Variants in IGSF11 observed in about 807,000 individuals in gnomAD.
IGSF11 encodes the protein immunoglobulin superfamily member 11, also known as CXADR like 1.
Under a neutral mutation model 41.0 loss-of-function variants are expected in IGSF11, and 22 were observed. The ratio of observed to expected loss-of-function variants is 0.54; its 90% CI spans 0.38 to 0.77. The LOEUF is 0.77. Among genes scored for constraint, IGSF11 ranks in the 30% least tolerant of loss-of-function variants. The probability of loss-of-function intolerance (pLI) is 0.00; values close to 1 mark genes in which losing one functional copy is unlikely to be tolerated. For synonymous variants in IGSF11, 219 were observed against 201.3 expected, an observed-to-expected ratio of 1.09 and a Z score of -0.74; for missense variants, 444 against 530.8, an observed-to-expected ratio of 0.84 and a Z score of 1.61.
chr3:119,126,070 C>T (rs1201863472), intron 1 of IGSF11, among the ~76,000 whole-genome samples: 1 of 152,252 alleles, frequency 6.6e-6, no homozygotes, highest in African/African-American at 2.4e-5. Flanking sequence ...GCTGTTTGAG[C>T]TCCTCGAGGG....
At chr3:119,055,930 A>G (rs889951577) in intron 1 of IGSF11, among the ~76,000 whole-genome samples, 2 of 152,206 alleles carry the variant, frequency 1.3e-5, no homozygotes, top group African/African-American at 4.8e-5. Flanking sequence ...CAATAAGAAA[A>G]AAGACTCAAC....
chr3:119,009,730 G>A (rs556600090), intron 1 of IGSF11, among the ~76,000 whole-genome samples: 8 of 152,158 alleles, frequency 5.3e-5, no homozygotes, highest in South Asian at 4.2e-4. Context: ...TTATCATTTC[G>A]CCTGATTATT....
chr3:119,065,489 C>T (rs1472013283), intron 1 of IGSF11, among the ~76,000 whole-genome samples: 2 of 151,918 alleles, frequency 1.3e-5, no homozygotes, highest in African/African-American at 4.8e-5. Context: ...ATTACGCTGG[C>T]CTCACAAAAA....
intron 1 of IGSF11, among the ~76,000 whole-genome samples, chr3:119,094,674 T>A (rs2107498922): frequency 6.7e-6 from 1 of 149,546 alleles, no homozygotes; most frequent in East Asian, 2.0e-4. Flanking sequence ...CAACTCTATT[T>A]TTTTTTTTTT....
chr3:118,960,044 CAAAA>C (rs199913346), intron 1 of IGSF11, among the ~76,000 whole-genome samples: 1 of 81,104 alleles, frequency 1.2e-5, no homozygotes. Context: ...GACTCCGTCT[CAAAA>C]AAAAAAAAAA....
chr3:119,080,850 C>T (rs1045550193), intron 1 of IGSF11, among the ~76,000 whole-genome samples: 1 of 152,122 alleles, frequency 6.6e-6, no homozygotes, highest in Admixed American at 6.6e-5. Flanking sequence ...CCTAGGGTGA[C>T]AGTTGCTTTT....
At chr3:119,114,448 T>C (rs1320147180) in intron 1 of IGSF11, among the ~76,000 whole-genome samples, 2 of 152,222 alleles carry the variant, frequency 1.3e-5, no homozygotes, top group African/African-American at 4.8e-5. Context: ...CCCTAAATCA[T>C]CCTTCTCAAG....
chr3:119,092,290 T>A lies in IGSF11; in HGVS notation c.49+12854A>T, dbSNP rs116394963. Among the ~76,000 whole-genome samples, 612 of 152,166 alleles carry A rather than the reference T, an allele frequency of 4.0e-3. 2 individuals carry two copies. The highest frequency in any genetic ancestry group is 5.2e-3 in the Non-Finnish European group (353 of 68,002). On this transcript the variant is annotated intron_variant, in intron 1 of 6. Coordinates refer to the IGSF11 transcript ENST00000354673. ...AAACAAAGTTAAAATAAAGAAAAAA[T>A]TTTTAATAAATTTAGTGTAGCCTAA... is the stretch of plus-strand genomic sequence containing the variant.
rs1318042778 is a variant in IGSF11 at position 118,947,108 on chromosome 3, A to AT, written c.53-16834dup. 4 of 152,264 alleles carry AT rather than the reference A, an allele frequency of 2.6e-5. No homozygotes were observed. In the East Asian group the frequency reaches 5.8e-4, roughly 22 times the overall value. 9.4% of individuals were successfully genotyped at this position (152,264 alleles called of 1,614,324 possible). On this transcript the variant is annotated intron_variant, in intron 1 of 6. Transcript: ENST00000393775. ...ACTACAACTTTCCTTCGCACAGTGCATACCCTCTGATATACTGAACCCAAC... is the reference window on the plus strand; with the variant it reads ...ACTACAACTTTCCTTCGCACAGTGCATTACCCTCTGATATACTGAACCCAAC...
chr3:119,029,173 TAC>T (rs66598029), intron 1 of IGSF11, among the ~76,000 whole-genome samples: 3,645 of 111,434 alleles, frequency 0.033, 83 homozygotes, highest in East Asian at 0.094. Context: ...TTGGGGATAA[TAC>T]ACACACACAC....
intron 1 of IGSF11, among the ~76,000 whole-genome samples, chr3:119,006,533 A>G (rs1394883495): frequency 7.7e-6 from 1 of 130,284 alleles, no homozygotes; most frequent in East Asian, 2.2e-4. Flanking sequence ...GGAGGAGGAG[A>G]GGCGCTCTGC....
intron 1 of IGSF11, among the ~76,000 whole-genome samples, chr3:118,985,078 T>C (rs561131610): frequency 7.9e-5 from 12 of 152,312 alleles, no homozygotes; most frequent in African/African-American, 2.6e-4. Context: ...GAAATAATAA[T>C]AATAATAAAT....
rs1401975624 is a variant in IGSF11, at chr3:119,017,042, A to C, written c.52+17489T>G. 5.0e-4 allele frequency among the ~76,000 whole-genome samples: 75 copies of C among 150,784 alleles called. 1 individual carries two copies. The highest frequency in any genetic ancestry group is 1.8e-3 in the African/African-American group (74 of 41,348). ...GCAAAGTTAAATGGACGCAGGACAA[A>C]AAAAAAAAAAAAAAAGCCAACTATG... On this transcript the variant is annotated intron_variant, in intron 1 of 6. Transcript: ENST00000393775.
At chr3:119,043,766 A>G (rs76443786) in intron 1 of IGSF11, among the ~76,000 whole-genome samples, 2,096 of 152,228 alleles carry the variant, frequency 0.014, 36 homozygotes, top group African/African-American at 0.048. Context: ...ACCAGACGGG[A>G]GCCCAGTTAG....
chr3:119,062,063 G>C (rs1942070475), intron 1 of IGSF11, among the ~76,000 whole-genome samples: 1 of 152,056 alleles, frequency 6.6e-6, no homozygotes, highest in South Asian at 2.1e-4. Flanking sequence ...CTACTTCACA[G>C]GTTATTAGAA....
intron 1 of IGSF11, among the ~76,000 whole-genome samples, chr3:118,957,430 G>A (rs1374929062): frequency 6.6e-6 from 1 of 152,172 alleles, no homozygotes; most frequent in Non-Finnish European, 1.5e-5. Flanking sequence ...ACATAGGCTT[G>A]TTTAAATTAT....
intron 1 of IGSF11, among the ~76,000 whole-genome samples, chr3:118,957,219 C>T (rs75572136): frequency 0.074 from 11,283 of 152,144 alleles, 492 homozygotes; most frequent in East Asian, 0.13. Flanking sequence ...TCTATTCAGG[C>T]TCTCAACTGA....
At chr3:119,107,776 G>C (rs2077061048), upstream of IGSF11, among the ~76,000 whole-genome samples, 1 of 152,020 alleles carries the variant, frequency 6.6e-6, no homozygotes, top group African/African-American at 2.4e-5. Flanking sequence ...AAGGTGTAAG[G>C]AAGGGATCCA....
chr3:119,138,492 C>A (rs1450032246), intron 1 of IGSF11, among the ~76,000 whole-genome samples: 1 of 152,232 alleles, frequency 6.6e-6, no homozygotes, highest in East Asian at 1.9e-4. Flanking sequence ...CGAGACCAGC[C>A]TGGCCAACAT....
Sources: gnomAD v4.1 joint callset for allele counts (sites outside exome capture counted in the v4.1 genomes callset) on GRCh38, gnomAD v4.1.1 for gene constraint, MANE v1.5 for transcripts, NCBI Gene and HGNC (gene_info 2026-07-23, HGNC 2026-07-21) for gene names.